The following NEMF variants were observed in gnomAD, a reference collection of about 807,000 sequenced individuals.
NEMF encodes the protein ribosome quality control complex subunit NEMF.
Under a neutral mutation model 162.2 loss-of-function variants are expected in NEMF, and 89 were observed. The observed-to-expected ratio is 0.55, with a 90% CI of 0.46 to 0.65. NEMF has a LOEUF of 0.65. NEMF is among the 30% of genes least tolerant of loss of function. The pLI, the probability that NEMF is intolerant of heterozygous loss-of-function variation, is 0.00. For synonymous variants in NEMF, 421 were observed against 404.5 expected, an observed-to-expected ratio of 1.04 and a Z score of -0.49; for missense variants, 1,133 against 1,261.9, an observed-to-expected ratio of 0.90 and a Z score of 1.55.
At chr14:49,802,342 G>GT (rs1258467361) in intron 22 of NEMF, 111 bp downstream of exon 22, 17 of 1,265,004 alleles carry the variant, frequency 1.3e-5, no homozygotes, top group South Asian at 6.1e-5. Flanking sequence ...GGTTTTCGGG[G>GT]TTTTTTTGAA....
chr14:49,799,568 C>CT (rs776841108), intron 24 of NEMF, 44 bp from the exon 25 acceptor site: 12 of 1,598,226 alleles, frequency 7.5e-6, no homozygotes, highest in Non-Finnish European at 6.0e-6. Flanking sequence ...TCACTATTAA[C>CT]TTTTTTGAAA....
chr14:49,831,905 G>A, intron 10 of NEMF, 146 bp downstream of exon 10: 1 of 591,390 alleles, frequency 1.7e-6, no homozygotes, highest in Non-Finnish European at 3.0e-6. Flanking sequence ...TCCAACAGCT[G>A]TATCTGTGAC....
At chr14:49,842,162 A>G (rs1893246485) in intron 4 of NEMF, among the ~76,000 whole-genome samples, 1 of 151,530 alleles carries the variant, frequency 6.6e-6, no homozygotes, top group Non-Finnish European at 1.5e-5. Flanking sequence ...AACCCCAAAC[A>G]GCCTAAATGT....
intron 11 of NEMF, 38 bp downstream of exon 11, chr14:49,831,261 G>C (rs746439176): frequency 2.6e-6 from 3 of 1,173,408 alleles, no homozygotes; most frequent in Non-Finnish European, 2.5e-6. Context: ...AGCCGCTAAA[G>C]ACTAGCTGGT....
At chr14:49,790,648 A>C (rs1890396360) in intron 26 of NEMF, among the ~76,000 whole-genome samples, 1 of 152,140 alleles carries the variant, frequency 6.6e-6, no homozygotes, top group Non-Finnish European at 1.5e-5. Flanking sequence ...CAACCCAGAA[A>C]ATTCCACTCA....
At position 49,783,161 on chromosome 14, in the gene NEMF, A is replaced by G. The variant is rs1240921827; in HGVS notation, c.*1475T>C. The G allele has an allele frequency of 2.6e-6, 1 of 385,658 alleles. No homozygotes were observed. The highest frequency in any genetic ancestry group is 4.5e-6 in the Non-Finnish European group (1 of 219,926). 23.9% of individuals were successfully genotyped at this position (385,658 alleles called of 1,614,324 possible). On this transcript the variant is annotated 3_prime_UTR_variant, in exon 33 of 33. Coordinates refer to ENST00000298310, the MANE Select transcript of NEMF (RefSeq NM_004713.6). ...CCAGTAGCTGTCCTCTATTAAAGTAAAGTAATGGTTGGGCTTTTTACCCTG... is the reference window on the plus strand; with the variant it reads ...CCAGTAGCTGTCCTCTATTAAAGTAGAGTAATGGTTGGGCTTTTTACCCTG...
intron 18 of NEMF, among the ~76,000 whole-genome samples, chr14:49,807,211 T>C (rs940127801): frequency 2.6e-5 from 4 of 152,254 alleles, no homozygotes; most frequent in African/African-American, 9.6e-5. Context: ...AAAGCACATA[T>C]AAGTACTTCT....
At position 49,790,297 on chromosome 14, in the gene NEMF, C is replaced by T. The variant is rs78143860; in HGVS notation, c.2620-724G>A. On this transcript the variant is annotated intron_variant, in intron 26 of 32. Coordinates refer to ENST00000298310, the MANE Select transcript of NEMF (RefSeq NM_004713.6). ...GAAAAACGCTTGCAATACATATATC[C>T]GAGAAAGGACTTGTATTCAGGATTG... is the stretch of plus-strand genomic sequence containing the variant. Among the ~76,000 whole-genome samples, 8 of 151,976 alleles carry T rather than the reference C, an allele frequency of 5.3e-5. No homozygotes were observed. The East Asian group carries it at 9.6e-4, about 18-fold the overall frequency.
chr14:49,834,009 T>C (rs1892771419), intron 7 of NEMF: 4 of 351,488 alleles, frequency 1.1e-5, no homozygotes, highest in South Asian at 7.5e-5. Context: ...ATTTTATGAG[T>C]GCACTGATTT....
In NEMF at chr14:49,814,875, A is replaced by G. The variant is rs376290284; in HGVS notation, c.1578-18T>C. On this transcript the variant is annotated intron_variant, in intron 16 of 32. Transcript: ENST00000298310. ...TCTCAAACCTATCAAAATGAAAGAA[A>G]AAAAGTTAACTTTTCTTTATAGCTG... 86 of 1,432,540 alleles carry G rather than the reference A, an allele frequency of 6.0e-5. 1 individual carries two copies. The Middle Eastern group carries it at 1.2e-3, about 20-fold the overall frequency. 88.7% of individuals were successfully genotyped at this position (1,432,540 alleles called of 1,614,324 possible).
In NEMF at chr14:49,828,596, T is replaced by C. The variant is rs1174425126; in HGVS notation, c.1424+20A>G. 3 of 1,514,714 alleles carry C rather than the reference T, an allele frequency of 2.0e-6. No individual in the cohort carries two copies. Among genetic ancestry groups the C allele is most frequent in the Admixed American group, 2.4e-5 (1 of 40,872 alleles). The allele number at this position is 1,514,714 out of a possible 1,614,324, so 93.8% of individuals were successfully genotyped here. A position where few individuals can be genotyped will look rare whatever the true frequency, so the allele number is the denominator to read the frequency against. Reference sequence around the variant, plus strand: ...ATTGCAGATAACACTTGGCCTAAAATGTAAAGTTAAATGACTTACTTTTTG... The same window carrying C: ...ATTGCAGATAACACTTGGCCTAAAACGTAAAGTTAAATGACTTACTTTTTG... On this transcript the variant is annotated intron_variant, in intron 14 of 32. Transcript: ENST00000298310.
Position 49,785,330 on chromosome 14 carries a change from G to A in NEMF, c.2929-10C>T. ...AATCAAATAGGTTTTCCTAAAAAGG[G>A]AAAATAACAGTTACAAAGGCAATTT... On this transcript the variant is annotated splice_polypyrimidine_tract_variant and intron_variant, in intron 29 of 32. Transcript: ENST00000298310. 1.9e-6 allele frequency: 3 copies of A among 1,598,712 alleles called. No homozygotes were observed. The highest frequency in any genetic ancestry group is 1.7e-6 in the Non-Finnish European group (2 of 1,166,228).
Position 49,832,078 on chromosome 14 carries a change from T to G in NEMF, c.855A>C (p.Pro285=). ...PFLFSQHSQC[P]YIEFESFDKA... is the part of the protein sequence containing the mutation. ...TGTCAAATGATTCAAATTCTATATA[T>G]GGACATTGTGAATGTTGAGAAAACA... is the stretch of plus-strand genomic sequence containing the variant. Residue 285 remains proline, a synonymous_variant, in exon 10 of 33, where the codon CCA becomes CCC. Transcript: ENST00000298310. The G allele has an allele frequency of 2.5e-6, 4 of 1,607,202 alleles. No homozygotes were observed. Among genetic ancestry groups the G allele is most frequent in the Non-Finnish European group, 3.4e-6 (4 of 1,177,770 alleles).
intron 18 of NEMF, 100 bp from the exon 19 acceptor site, chr14:49,806,233 T>C (rs1322330206): frequency 1.3e-4 from 1 of 7,502 alleles, no homozygotes; most frequent in South Asian, 2.7e-3. Flanking sequence ...ATGATATGTG[T>C]ATATATATAT....
intron 16 of NEMF, among the ~76,000 whole-genome samples, chr14:49,817,615 A>G (rs1391887203): frequency 6.6e-6 from 1 of 152,254 alleles, no homozygotes; most frequent in Admixed American, 6.5e-5. Flanking sequence ...ATATAGTTTT[A>G]TCACCTAATT....
chr14:49,799,510 T>C lies in NEMF; in HGVS notation c.2430A>G (p.Ser810=), dbSNP rs773151170. 5.6e-6 allele frequency: 9 copies of C among 1,612,136 alleles called. No homozygotes were observed. The highest frequency in any genetic ancestry group is 1.7e-4 in the Middle Eastern group (1 of 6,040). Residue 810 remains serine, a synonymous_variant, in exon 25 of 33, where the codon TCA becomes TCG. Transcript: ENST00000298310. ...TGGCTGACAAATGTCTCCGGCTCTGTGATTTACTGTCACTCTATTAAAACA... is the reference window on the plus strand; with the variant it reads ...TGGCTGACAAATGTCTCCGGCTCTGCGATTTACTGTCACTCTATTAAAACA... ...EESSNSSDSK[S]QSRRHLSAKE... is the part of the protein sequence containing the mutation.
intron 26 of NEMF, among the ~76,000 whole-genome samples, chr14:49,790,530 G>A (rs1305866663): frequency 1.3e-5 from 2 of 152,088 alleles, no homozygotes; most frequent in East Asian, 1.9e-4. Context: ...GTGTTACTAC[G>A]GATGGGGGAC....
At chr14:49,838,514 A>G (rs1190992271) in intron 5 of NEMF, among the ~76,000 whole-genome samples, 2 of 151,474 alleles carry the variant, frequency 1.3e-5, no homozygotes, top group African/African-American at 4.9e-5. Context: ...ATGTTTGTAA[A>G]TTTTCATGCC....
intron 11 of NEMF, 135 bp downstream of exon 11, chr14:49,831,162 CAT>C (rs1464539237): frequency 5.3e-6 from 3 of 568,302 alleles, no homozygotes; most frequent in Non-Finnish European, 9.4e-6. Context: ...AAACCTTTAT[CAT>C]AAATAAAGAG....
Sources: gnomAD v4.1 joint callset for allele counts (sites outside exome capture counted in the v4.1 genomes callset) on GRCh38, gnomAD v4.1.1 for gene constraint, MANE v1.5 for transcripts, NCBI Gene and HGNC (gene_info 2026-07-23, HGNC 2026-07-21) for gene names.